PCDHGA12: variants seen among roughly 807,000 people sequenced by gnomAD.
The protein encoded by PCDHGA12 is protocadherin gamma-A12.
In PCDHGA12, 43 loss-of-function variants were observed where a neutral mutation model predicts 61.1. The ratio of observed to expected loss-of-function variants is 0.70; its 90% confidence interval spans 0.55 to 0.91. PCDHGA12 has a LOEUF of 0.91. PCDHGA12 is among the 40% of genes least tolerant of loss of function. The probability of loss-of-function intolerance (pLI) is 0.00; values close to 1 mark genes in which losing one functional copy is unlikely to be tolerated. For synonymous variants in PCDHGA12, 520 were observed against 542.9 expected, an observed-to-expected ratio of 0.96 and a Z score of 0.59; for missense variants, 1,236 against 1,227.7, an observed-to-expected ratio of 1.01 and a Z score of -0.10.
At chr5:141,470,508 G>A (rs947583701) in intron 1 of PCDHGA12, among the ~76,000 whole-genome samples, 10 of 152,176 alleles carry the variant, frequency 6.6e-5, no homozygotes, top group African/African-American at 2.4e-4. Flanking sequence ...TAATTAGACA[G>A]TTAGCTAATA....
intron 1 of PCDHGA12, among the ~76,000 whole-genome samples, chr5:141,467,109 A>G (rs1431550069): frequency 2.0e-5 from 3 of 150,594 alleles, no homozygotes; most frequent in African/African-American, 4.9e-5. Context: ...CTGGAGTACA[A>G]TGGTGCAATC....
rs138641753 is a variant in PCDHGA12, at chr5:141,430,814, C to T, written c.55C>T (p.Leu19Phe). Residue 19 changes from leucine (L) to phenylalanine (F), a missense_variant, in exon 1 of 4, where the codon CTC (leucine) becomes TTC (phenylalanine). Leu to Phe is a conservative substitution (Grantham distance 22, BLOSUM62 0). Transcript: ENST00000252085. ...CAAAGGGCTTGTCCTGCTGGGAATC[C>T]TCCTGGGGACTCTGTGGGAGACCGG... is the stretch of plus-strand genomic sequence containing the variant. ...DYKGLVLLGILLGTLWETGCT... is the reference protein window; with the variant it reads ...DYKGLVLLGIFLGTLWETGCT... 97 of 1,534,514 alleles carry T rather than the reference C, an allele frequency of 6.3e-5. No homozygotes were observed. The African/African-American group carries it at 1.1e-3, about 17-fold the overall frequency.
At chr5:141,469,044 A>C (rs1247890388) in intron 1 of PCDHGA12, among the ~76,000 whole-genome samples, 1 of 152,128 alleles carries the variant, frequency 6.6e-6, no homozygotes, top group East Asian at 1.9e-4. Context: ...TGGGAGGCCA[A>C]GGTGGGAGGA....
chr5:141,478,315 A>G, intron 1 of PCDHGA12: 1 of 1,613,998 alleles, frequency 6.2e-7, no homozygotes, highest in Non-Finnish European at 8.5e-7. Flanking sequence ...CGGTGAGCTC[A>G]CTGTACCGAA....
At position 141,477,137 on chromosome 5, in the gene PCDHGA12, G is replaced by A; in HGVS notation, c.2425-17670G>A. 1 of 1,614,200 alleles carries A rather than the reference G, an allele frequency of 6.2e-7. No individual in the cohort carries two copies. The highest frequency in any genetic ancestry group is 8.5e-7 in the Non-Finnish European group (1 of 1,180,050). On this transcript the variant is annotated intron_variant, in intron 1 of 3. Coordinates refer to ENST00000252085, the MANE Select transcript of PCDHGA12 (RefSeq NM_003735.3). The surrounding 1 kb of genome is among the most constrained non-coding windows in gnomAD (Gnocchi z 4.9). ...AGGAGCACATTGCAAAGTGTTGGTG[G>A]AGGTTGTGGATGTGAATGACAACGC...
intron 1 of PCDHGA12, among the ~76,000 whole-genome samples, chr5:141,456,919 C>T (rs2098898169): frequency 1.3e-5 from 2 of 152,124 alleles, no homozygotes; most frequent in South Asian, 4.1e-4. Context: ...GCCGAGATCG[C>T]ACCACTGCAC....
chr5:141,504,645 T>C (rs1481469819), intron 2 of PCDHGA12, among the ~76,000 whole-genome samples: 2 of 112,538 alleles, frequency 1.8e-5, no homozygotes, highest in Non-Finnish European at 3.4e-5. Context: ...GGTTTGATGA[T>C]AGAGTGTTTG....
chr5:141,467,506 G>A (rs1364362269), intron 1 of PCDHGA12, among the ~76,000 whole-genome samples: 1 of 152,094 alleles, frequency 6.6e-6, no homozygotes, highest in Non-Finnish European at 1.5e-5. Flanking sequence ...TGATCTAATT[G>A]GAGTTTATTC....
intron 1 of PCDHGA12, among the ~76,000 whole-genome samples, chr5:141,448,316 T>C (rs1042171540): frequency 6.6e-6 from 1 of 152,174 alleles, no homozygotes; most frequent in Non-Finnish European, 1.5e-5. Flanking sequence ...AGGAATCTTT[T>C]CTTTGAATCT....
At position 141,485,685 on chromosome 5, in the gene PCDHGA12, G is replaced by A; in HGVS notation, c.2425-9122G>A. ...GGGAGCAATTCGATTAGCAGCTATA[G>A]GCTGAGCTCCAATGAACACTTTGCA... On this transcript the variant is annotated intron_variant, in intron 1 of 3. Coordinates refer to ENST00000252085, the MANE Select transcript of PCDHGA12 (RefSeq NM_003735.3). This position sits in a 1 kb window ranked among gnomAD's most constrained non-coding sequence, Gnocchi z 5.7. 1.2e-6 allele frequency: 2 copies of A among 1,614,052 alleles called. No homozygotes were observed. The highest frequency in any genetic ancestry group is 1.3e-5 in the African/African-American group (1 of 75,072).
intron 1 of PCDHGA12, among the ~76,000 whole-genome samples, chr5:141,454,062 A>T (rs548960162): frequency 6.6e-6 from 1 of 152,380 alleles, no homozygotes; most frequent in East Asian, 1.9e-4. Context: ...CAAAGAAACA[A>T]AAGTGATAAT....
rs1358516648 is a variant in PCDHGA12, at chr5:141,489,199, A to C, written c.2425-5608A>C. The C allele has an allele frequency of 1.4e-6, 2 of 1,395,234 alleles. No individual in the cohort carries two copies. The highest frequency in any genetic ancestry group is 2.8e-5 in the South Asian group (2 of 71,520). The allele number at this position is 1,395,234 out of a possible 1,614,324, so 86.4% of individuals were successfully genotyped here. ...CAAGCCCTGGGTCTACCTTGGAGAC[A>C]GGACAGCACAGACTTACTCTCCACA... On this transcript the variant is annotated intron_variant, in intron 1 of 3. Transcript: ENST00000252085. The surrounding 1 kb of genome is among the most constrained non-coding windows in gnomAD (Gnocchi z 4.5).
chr5:141,494,751 G>C (rs2099756509), intron 1 of PCDHGA12, 56 bp from the exon 2 acceptor site: 2 of 1,613,426 alleles, frequency 1.2e-6, no homozygotes, highest in African/African-American at 1.3e-5. Flanking sequence ...AGGGGCTCGG[G>C]TGACATTCTA....
At chr5:141,439,506 C>G (rs2098117403) in intron 1 of PCDHGA12, among the ~76,000 whole-genome samples, 1 of 152,234 alleles carries the variant, frequency 6.6e-6, no homozygotes, top group Non-Finnish European at 1.5e-5. Flanking sequence ...GTCTTTCTCT[C>G]TGCTCTCAAC....
chr5:141,482,917 C>CA (rs761402624), intron 1 of PCDHGA12, among the ~76,000 whole-genome samples: 5 of 152,042 alleles, frequency 3.3e-5, no homozygotes, highest in Non-Finnish European at 7.4e-5. Context: ...ATTAAAAATA[C>CA]AAAAAATTAG....
chr5:141,510,251 C>T (rs569804850), intron 3 of PCDHGA12, among the ~76,000 whole-genome samples: 5 of 144,790 alleles, frequency 3.5e-5, no homozygotes, highest in South Asian at 4.3e-4. Flanking sequence ...CCAGGCTGGG[C>T]GACAGAGCAG....
Position 141,477,780 on chromosome 5 carries a change from T to C in PCDHGA12, c.2425-17027T>C. On this transcript the variant is annotated intron_variant, in intron 1 of 3. Coordinates refer to ENST00000252085, the MANE Select transcript of PCDHGA12 (RefSeq NM_003735.3). The surrounding 1 kb of genome is among the most constrained non-coding windows in gnomAD (Gnocchi z 4.9). ...CTAGCCACCAACATCAGCGTGAACA[T>C]ATTTGTCACTGATCGCAATGACAAT... 6.2e-7 allele frequency: 1 copy of C among 1,614,048 alleles called. No homozygotes were observed. Among genetic ancestry groups the C allele is most frequent in the Non-Finnish European group, 8.5e-7 (1 of 1,180,030 alleles).
At chr5:141,504,528 C>T (rs750099460) in intron 2 of PCDHGA12, among the ~76,000 whole-genome samples, 2 of 151,854 alleles carry the variant, frequency 1.3e-5, no homozygotes, top group Non-Finnish European at 2.9e-5. Flanking sequence ...ATATTTTATT[C>T]GTGTCATCAT....
At chr5:141,452,635 T>C (rs1426970634) in intron 1 of PCDHGA12, among the ~76,000 whole-genome samples, 1 of 152,086 alleles carries the variant, frequency 6.6e-6, no homozygotes, top group Non-Finnish European at 1.5e-5. Context: ...GCTATGAATA[T>C]ATTTACTCAT....
Sources: allele counts gnomAD v4.1 joint callset (sites outside exome capture counted in the v4.1 genomes callset), GRCh38; gene constraint gnomAD v4.1.1; non-coding constraint Gnocchi (gnomAD v3.1); transcripts MANE v1.5; gene names NCBI Gene and HGNC (gene_info 2026-07-23, HGNC 2026-07-21).